DIAPH2: variants seen among roughly 807,000 people sequenced by gnomAD.
The protein encoded by DIAPH2 is diaphanous related formin 2, also known as protein diaphanous homolog 2.
Under a neutral mutation model 92.7 loss-of-function variants are expected in DIAPH2, and 35 were observed. The ratio of observed to expected loss-of-function variants is 0.38; its 90% CI spans 0.29 to 0.50. The LOEUF (loss-of-function observed/expected upper bound fraction) is 0.50. DIAPH2 is among the 20% of genes least tolerant of loss of function. DIAPH2 has a pLI of 0.94. For missense variants in DIAPH2, 701 were observed against 819.5 expected (o/e 0.86, Z 1.77); for synonymous variants, 301 against 280.4 (o/e 1.07, Z -0.73).
rs765640442 is a variant in DIAPH2, at chrX:96,767,971, T to C, written c.447+9713T>C. Among the ~76,000 whole-genome samples the C allele has an allele frequency of 2.7e-5, 3 of 111,852 alleles. No homozygotes were observed. In the South Asian group the frequency reaches 1.1e-3, roughly 42 times the overall value. On this transcript the variant is annotated intron_variant, in intron 4 of 26. Coordinates refer to ENST00000324765, the MANE Select transcript of DIAPH2 (RefSeq NM_006729.5). ...TAGAAATAGCAAACAGAATTTGGAG[T>C]AGGGAAGAGATAAAACTGAATTACT...
chrX:97,382,959 T>G (rs2069565152), intron 24 of DIAPH2, among the ~76,000 whole-genome samples: 1 of 112,143 alleles, frequency 8.9e-6, no homozygotes, highest in Non-Finnish European at 1.9e-5. Context: ...TGAAGTATAT[T>G]TAATCAATCA....
At chrX:96,885,472 A>AAAAAAAAAAAC (rs2065255197) in intron 5 of DIAPH2, 1 of 126,867 alleles carries the variant, frequency 7.9e-6, no homozygotes, top group African/African-American at 3.4e-5. Flanking sequence ...AAAAAAAAAA[A>AAAAAAAAAAAC]AAGTCTTGCT....
intron 23 of DIAPH2, among the ~76,000 whole-genome samples, chrX:97,321,267 T>G (rs1222842913): frequency 1.8e-5 from 2 of 110,706 alleles, no homozygotes; most frequent in African/African-American, 6.5e-5. Context: ...AAATAAATAA[T>G]GTGAAATATA....
intron 17 of DIAPH2, among the ~76,000 whole-genome samples, chrX:97,046,796 T>C (rs1184216903): frequency 2.7e-5 from 3 of 111,416 alleles, no homozygotes; most frequent in Non-Finnish European, 5.7e-5. Context: ...AGAGGAATGA[T>C]GGATGGTGGG....
intron 4 of DIAPH2, among the ~76,000 whole-genome samples, chrX:96,777,221 G>A (rs1010325330): frequency 2.7e-5 from 3 of 111,689 alleles, no homozygotes; most frequent in African/African-American, 9.7e-5. Flanking sequence ...GAGTATGTCA[G>A]TAGTCATAGG....
chrX:96,710,414 A>AAT (rs780898926), intron 1 of DIAPH2, among the ~76,000 whole-genome samples: 121 of 111,868 alleles, frequency 1.1e-3, no homozygotes, highest in African/African-American at 3.8e-3. Context: ...ATAGTAGTCA[A>AAT]ATGGTTAGAA....
At chrX:96,939,010 A>T (rs934030013) in intron 11 of DIAPH2, among the ~76,000 whole-genome samples, 1 of 111,759 alleles carries the variant, frequency 8.9e-6, no homozygotes, top group East Asian at 2.8e-4. Context: ...TAAAATATGT[A>T]TAACGGATCA....
At chrX:96,959,132 TG>T (rs779924995) in intron 16 of DIAPH2, among the ~76,000 whole-genome samples, 8 of 111,622 alleles carry the variant, frequency 7.2e-5, no homozygotes, top group Non-Finnish European at 1.1e-4. Flanking sequence ...ACAGCATTAT[TG>T]TATGGTAATC....
intron 23 of DIAPH2, among the ~76,000 whole-genome samples, chrX:97,315,112 C>G (rs1171833565): frequency 9.0e-6 from 1 of 111,286 alleles, no homozygotes; most frequent in Non-Finnish European, 1.9e-5. Context: ...TAGCCTTCTT[C>G]TCCCTGCCCT....
chrX:97,037,191 G>A (rs1289632544), intron 17 of DIAPH2, among the ~76,000 whole-genome samples: 3 of 110,997 alleles, frequency 2.7e-5, no homozygotes, highest in East Asian at 2.8e-4. Flanking sequence ...TTTTGAATCC[G>A]TTTTTCTATT....
chrX:96,725,477 T>G (rs2064015240), intron 1 of DIAPH2, among the ~76,000 whole-genome samples: 3 of 112,393 alleles, frequency 2.7e-5, no homozygotes, highest in Non-Finnish European at 5.6e-5. Context: ...CTGTTTAAGC[T>G]TCTACGTTTT....
intron 22 of DIAPH2, among the ~76,000 whole-genome samples, chrX:97,142,749 G>T (rs1167033750): frequency 8.9e-6 from 1 of 111,969 alleles, no homozygotes; most frequent in Non-Finnish European, 1.9e-5. Flanking sequence ...TTCCCTCTTA[G>T]ATAAGAGAAG....
intron 22 of DIAPH2, among the ~76,000 whole-genome samples, chrX:97,195,783 TAAAA>T (rs1353019703): frequency 9.2e-6 from 1 of 108,277 alleles, no homozygotes; most frequent in Non-Finnish European, 1.9e-5. Context: ...TTCGACATAT[TAAAA>T]AAATAAAAGG....
intron 4 of DIAPH2, among the ~76,000 whole-genome samples, chrX:96,878,591 C>T (rs2065193645): frequency 9.0e-6 from 1 of 111,580 alleles, no homozygotes; most frequent in Admixed American, 9.6e-5. Context: ...TCCTTATAAC[C>T]AGAGAGGATC....
intron 4 of DIAPH2, among the ~76,000 whole-genome samples, chrX:96,847,990 G>A (rs1341115884): frequency 3.6e-5 from 4 of 110,785 alleles, no homozygotes; most frequent in African/African-American, 1.3e-4. Flanking sequence ...CTTGTTATTG[G>A]TATACTGACT....
chrX:96,802,214 T>G (rs1273507569), intron 4 of DIAPH2, among the ~76,000 whole-genome samples: 1 of 112,299 alleles, frequency 8.9e-6, no homozygotes, highest in Non-Finnish European at 1.9e-5. Context: ...GTTTTAAATT[T>G]TGTTCTTCTG....
At chrX:96,887,857 A>G (rs776891783) in intron 5 of DIAPH2, among the ~76,000 whole-genome samples, 2 of 111,443 alleles carry the variant, frequency 1.8e-5, no homozygotes, top group Non-Finnish European at 3.8e-5. Context: ...TGACTTCTGA[A>G]ATGCTTATTA....
intron 5 of DIAPH2, chrX:96,884,692 T>C: frequency 4.1e-6 from 5 of 1,210,608 alleles, no homozygotes; most frequent in Non-Finnish European, 5.6e-6. Context: ...TGTCAAAGTG[T>C]TTGGTATCCT....
chrX:96,807,575 T>C, intron 4 of DIAPH2, among the ~76,000 whole-genome samples: 1 of 111,061 alleles, frequency 9.0e-6, no homozygotes, highest in East Asian at 2.8e-4. Flanking sequence ...TAAAATGTGA[T>C]TGTTACACTG....
Sources: gnomAD v4.1 joint callset for allele counts (sites outside exome capture counted in the v4.1 genomes callset) on GRCh38, gnomAD v4.1.1 for gene constraint, MANE v1.5 for transcripts, NCBI Gene and HGNC (gene_info 2026-07-23, HGNC 2026-07-21) for gene names.